Variants in KMO observed in about 807,000 individuals in gnomAD.
The protein encoded by KMO is kynurenine 3-hydroxylase.
In KMO, 24 loss-of-function variants were observed where a neutral mutation model predicts 57.8. The ratio of observed to expected loss-of-function variants is 0.42; its 90% confidence interval spans 0.30 to 0.58. The LOEUF (loss-of-function observed/expected upper bound fraction) is 0.58, where lower values mean the gene tolerates loss of function less well. Among genes scored for constraint, KMO ranks in the 20% least tolerant of loss-of-function variants. The pLI is 0.22. For synonymous variants in KMO, 210 were observed against 193.6 expected (o/e 1.08, Z -0.70); for missense variants, 483 against 588.2 (o/e 0.82, Z 1.85).
At chr1:241,579,941 G>A (rs1268380629) in intron 10 of KMO, among the ~76,000 whole-genome samples, 4 of 152,128 alleles carry the variant, frequency 2.6e-5, no homozygotes, top group South Asian at 4.1e-4. Context: ...ACTGGAGACC[G>A]GGAATGTCCA....
At chr1:241,552,709 G>A (rs1048365818) in intron 4 of KMO, among the ~76,000 whole-genome samples, 1 of 152,174 alleles carries the variant, frequency 6.6e-6, no homozygotes, top group African/African-American at 2.4e-5. Context: ...CGTTGTGGAT[G>A]GCACGGGCGA....
At chr1:241,550,427 T>C (rs1325099941) in intron 3 of KMO, among the ~76,000 whole-genome samples, 1 of 152,234 alleles carries the variant, frequency 6.6e-6, no homozygotes, top group East Asian at 1.9e-4. Flanking sequence ...TTGTAGAACT[T>C]TTCACTGTCT....
intron 10 of KMO, among the ~76,000 whole-genome samples, chr1:241,580,815 G>A (rs1313997622): frequency 6.6e-6 from 1 of 152,012 alleles, no homozygotes; most frequent in Non-Finnish European, 1.5e-5. Flanking sequence ...AAAAGAACAT[G>A]TATTCTGCCT....
In KMO at chr1:241,592,774, C is replaced by A. The variant is rs1663360005; in HGVS notation, c.*621C>A. 1 of 148,124 alleles carries A rather than the reference C, an allele frequency of 6.8e-6. No homozygotes were observed. The highest frequency in any genetic ancestry group is 2.4e-5 in the African/African-American group (1 of 40,882). The allele number at this position is 148,124 out of a possible 1,614,324, so 9.2% of individuals were successfully genotyped here. ...ATCTATCATCTATCTATCTATCTAT[C>A]TATCTATCTATCTATCTATCTATCT... On this transcript the variant is annotated 3_prime_UTR_variant, in exon 15 of 15. Transcript: ENST00000366559.
Position 241,548,814 on chromosome 1 carries a change from T to C in KMO, c.55-15T>C, listed in dbSNP as rs1328371789. ...GTGGAATCAGATAAATATTTAATTT[T>C]TTTTTAATTTCTAGGTTGGCTCATT... is the stretch of plus-strand genomic sequence containing the variant. On this transcript the variant is annotated splice_polypyrimidine_tract_variant and intron_variant, in intron 1 of 14. Coordinates refer to ENST00000366559, the MANE Select transcript of KMO (RefSeq NM_003679.5). 2.0e-6 allele frequency: 3 copies of C among 1,510,728 alleles called. No homozygotes were observed. Among genetic ancestry groups the C allele is most frequent in the Admixed American group, 3.4e-5 (2 of 59,332 alleles). The allele number at this position is 1,510,728 out of a possible 1,614,324, so 93.6% of individuals were successfully genotyped here.
At chr1:241,586,359 C>T (rs1305244228) in intron 10 of KMO, among the ~76,000 whole-genome samples, 2 of 151,954 alleles carry the variant, frequency 1.3e-5, no homozygotes, top group Non-Finnish European at 1.5e-5. Context: ...CCACCACATC[C>T]AGCTATTATT....
At position 241,564,967 on chromosome 1, in the gene KMO, A is replaced by G. The variant is rs748566985; in HGVS notation, c.616-20A>G. On this transcript the variant is annotated intron_variant, in intron 7 of 14. Transcript: ENST00000366559. ...TGCTATATGAATGCACTAATCAATC[A>G]TATATTCTTTTTTCTGCAGTATGCC... The G allele has an allele frequency of 3.3e-6, 5 of 1,526,982 alleles. No individual in the cohort carries two copies. The highest frequency in any genetic ancestry group is 1.4e-5 in the African/African-American group (1 of 72,998). The allele number at this position is 1,526,982 out of a possible 1,614,324, so 94.6% of individuals were successfully genotyped here.
At chr1:241,575,560 T>C (rs997486949) in intron 10 of KMO, among the ~76,000 whole-genome samples, 3 of 152,088 alleles carry the variant, frequency 2.0e-5, no homozygotes, top group South Asian at 4.1e-4. Context: ...TTAATTTCCA[T>C]GTATTTGTAT....
chr1:241,551,086 A>C, intron 4 of KMO, 42 bp downstream of exon 4: 1 of 1,144,078 alleles, frequency 8.7e-7, no homozygotes, highest in East Asian at 2.5e-5. Context: ...ATTATAAGGA[A>C]GTCAAAGTCT....
chr1:241,578,944 A>C (rs774121425), intron 10 of KMO, among the ~76,000 whole-genome samples: 29 of 152,056 alleles, frequency 1.9e-4, no homozygotes, highest in Non-Finnish European at 3.4e-4. Context: ...CCCTTATAAA[A>C]CCATCAGATC....
Position 241,532,417 on chromosome 1 carries a change from A to C in KMO, c.-28A>C, listed in dbSNP as rs550206390. Reference sequence around the variant, plus strand: ...AGTGTCACTCAGTGACAGAAGCAACAATAATTGTGAAAAATACTTCAGCAG... The same window carrying C: ...AGTGTCACTCAGTGACAGAAGCAACCATAATTGTGAAAAATACTTCAGCAG... On this transcript the variant is annotated 5_prime_UTR_variant, in exon 1 of 15. Coordinates refer to ENST00000366559, the MANE Select transcript of KMO (RefSeq NM_003679.5). The C allele has an allele frequency of 1.4e-5, 23 of 1,612,262 alleles. No homozygotes were observed. In the African/African-American group the frequency reaches 2.8e-4, roughly 20 times the overall value.
intron 7 of KMO, among the ~76,000 whole-genome samples, chr1:241,563,526 A>C (rs1661956980): frequency 1.5e-5 from 2 of 136,698 alleles, no homozygotes; most frequent in South Asian, 4.6e-4. Context: ...TGTATTCGCT[A>C]ATTTTTTAGT....
At chr1:241,583,032 C>T (rs1662816597) in intron 10 of KMO, among the ~76,000 whole-genome samples, 1 of 152,190 alleles carries the variant, frequency 6.6e-6, no homozygotes, top group Non-Finnish European at 1.5e-5. Flanking sequence ...CAACTCTTGC[C>T]AAGTCCTAGA....
intron 10 of KMO, among the ~76,000 whole-genome samples, chr1:241,578,487 C>A (rs1662617096): frequency 6.6e-6 from 1 of 152,128 alleles, no homozygotes; most frequent in South Asian, 2.1e-4. Context: ...GGTCCAGCAA[C>A]ACAGTGGAGC....
intron 4 of KMO, among the ~76,000 whole-genome samples, chr1:241,551,310 T>G (rs187467954): frequency 2.0e-5 from 3 of 152,336 alleles, no homozygotes; most frequent in African/African-American, 7.2e-5. Context: ...CCCTGCTACC[T>G]GGGACAGCCT....
intron 10 of KMO, among the ~76,000 whole-genome samples, chr1:241,585,990 T>C (rs1369380614): frequency 1.3e-5 from 2 of 151,938 alleles, no homozygotes; most frequent in Non-Finnish European, 2.9e-5. Context: ...GCTCTAAATA[T>C]GAATCTTAAA....
intron 1 of KMO, among the ~76,000 whole-genome samples, chr1:241,536,731 C>T (rs984393700): frequency 5.9e-5 from 9 of 152,170 alleles, no homozygotes; most frequent in East Asian, 1.9e-4. Flanking sequence ...TTGTGATCTA[C>T]TCTCCCTATG....
intron 4 of KMO, 115 bp downstream of exon 4, chr1:241,551,159 C>T: frequency 1.5e-6 from 1 of 653,016 alleles, no homozygotes; most frequent in African/African-American, 1.9e-5. Context: ...TTGCTTGGCT[C>T]AGTCTAGACC....
intron 1 of KMO, among the ~76,000 whole-genome samples, chr1:241,545,539 G>T (rs371452296): frequency 6.6e-6 from 1 of 152,200 alleles, no homozygotes; most frequent in African/African-American, 2.4e-5. Context: ...CTCAATGCGT[G>T]TCTGATTCCC....
Sources: gnomAD v4.1 joint callset for allele counts (sites outside exome capture counted in the v4.1 genomes callset) on GRCh38, gnomAD v4.1.1 for gene constraint, MANE v1.5 for transcripts, NCBI Gene and HGNC (gene_info 2026-07-23, HGNC 2026-07-21) for gene names.